The following CNTN1 variants were observed in gnomAD, a reference collection of about 807,000 sequenced individuals.
The protein encoded by CNTN1 is contactin-1.
Under a neutral mutation model 126.4 loss-of-function variants are expected in CNTN1, and 38 were observed. The observed-to-expected ratio is 0.30, with a 90% CI of 0.23 to 0.39. The LOEUF (loss-of-function observed/expected upper bound fraction) is 0.39. Among genes scored for constraint, CNTN1 ranks in the 10% least tolerant of loss-of-function variants. CNTN1 has a pLI of 1.00. For missense variants in CNTN1, 1,009 were observed against 1,248.4 expected (o/e 0.81, Z 2.89); for synonymous variants, 413 against 422.6 (o/e 0.98, Z 0.28).
chr12:40,702,858 A>C (rs1315379646), intron 1 of CNTN1, among the ~76,000 whole-genome samples: 1 of 152,222 alleles, frequency 6.6e-6, no homozygotes, highest in Non-Finnish European at 1.5e-5. Context: ...CCCTTTGCAT[A>C]AAACACAATT....
chr12:40,830,958 T>TAC (rs1221864380), intron 1 of CNTN1, among the ~76,000 whole-genome samples: 3,130 of 111,190 alleles, frequency 0.028, 115 homozygotes, highest in African/African-American at 0.08. Flanking sequence ...TATATATATA[T>TAC]ATATACACAC....
intron 1 of CNTN1, among the ~76,000 whole-genome samples, chr12:40,831,147 T>C (rs909618440): frequency 1.4e-5 from 2 of 146,814 alleles, no homozygotes; most frequent in African/African-American, 5.0e-5. Flanking sequence ...GTATATATAC[T>C]ATAAATATAT....
At chr12:40,912,924 A>C (rs968877509) in intron 3 of CNTN1, among the ~76,000 whole-genome samples, 13 of 152,184 alleles carry the variant, frequency 8.5e-5, no homozygotes, top group African/African-American at 3.1e-4. Context: ...CCACCAGCCC[A>C]GTCATGCTAT....
chr12:40,760,980 G>C (rs963418553), intron 1 of CNTN1, among the ~76,000 whole-genome samples: 1 of 151,998 alleles, frequency 6.6e-6, no homozygotes, highest in Admixed American at 6.6e-5. Context: ...AAATTACTCT[G>C]TCAAATAAAA....
intron 17 of CNTN1, among the ~76,000 whole-genome samples, chr12:41,010,779 C>T (rs1322663358): frequency 6.6e-6 from 1 of 151,900 alleles, no homozygotes; most frequent in Non-Finnish European, 1.5e-5. Flanking sequence ...TTTGCCCTTG[C>T]TCTTCATAGG....
chr12:40,839,225 CA>C (rs921546705), intron 1 of CNTN1, among the ~76,000 whole-genome samples: 2 of 151,330 alleles, frequency 1.3e-5, no homozygotes, highest in Admixed American at 1.3e-4. Context: ...TGCAGTCAGA[CA>C]AAAATATAGA....
At chr12:41,009,028 A>G (rs991292576) in intron 17 of CNTN1, among the ~76,000 whole-genome samples, 6 of 152,186 alleles carry the variant, frequency 3.9e-5, no homozygotes, top group Admixed American at 3.9e-4. Flanking sequence ...CAGAGTGACT[A>G]CTGCATATCC....
intron 17 of CNTN1, among the ~76,000 whole-genome samples, chr12:41,009,368 T>C (rs1948588974): frequency 6.6e-6 from 1 of 152,168 alleles, no homozygotes; most frequent in African/African-American, 2.4e-5. Context: ...TTTCCCAGGA[T>C]TAATTTGGAG....
chr12:40,717,068 A>G (rs1442583474), intron 1 of CNTN1, among the ~76,000 whole-genome samples: 2 of 100,242 alleles, frequency 2.0e-5, no homozygotes, highest in East Asian at 4.8e-4. Flanking sequence ...ACAGCTAGCC[A>G]AAAGTGTTAT....
At chr12:40,823,674 T>C (rs1941519956) in intron 1 of CNTN1, among the ~76,000 whole-genome samples, 1 of 152,162 alleles carries the variant, frequency 6.6e-6, no homozygotes, top group African/African-American at 2.4e-5. Context: ...TTATTTTCCA[T>C]CTTCTTTTCA....
chr12:40,802,680 T>C (rs1421991416), intron 1 of CNTN1, among the ~76,000 whole-genome samples: 7 of 151,970 alleles, frequency 4.6e-5, no homozygotes, highest in Non-Finnish European at 8.8e-5. Context: ...TTATGCTTGT[T>C]TGATGAGAAG....
At chr12:40,904,268 T>C (rs1403875359) in intron 1 of CNTN1, among the ~76,000 whole-genome samples, 1 of 152,088 alleles carries the variant, frequency 6.6e-6, no homozygotes, top group Non-Finnish European at 1.5e-5. Context: ...TCCGTCCACC[T>C]TGGCCTCCCA....
At chr12:40,940,474 T>C (rs772262133) in intron 12 of CNTN1, among the ~76,000 whole-genome samples, 1 of 152,192 alleles carries the variant, frequency 6.6e-6, no homozygotes, top group Non-Finnish European at 1.5e-5. Context: ...AGACTGTTAT[T>C]ACTCAGATGT....
At chr12:41,056,448 T>A (rs1461875553) in intron 23 of CNTN1, among the ~76,000 whole-genome samples, 1 of 152,116 alleles carries the variant, frequency 6.6e-6, no homozygotes, top group Non-Finnish European at 1.5e-5. Flanking sequence ...ATATGGCAAT[T>A]TTTAGCAAGA....
At chr12:40,737,817 A>T (rs1369394877) in intron 1 of CNTN1, among the ~76,000 whole-genome samples, 1 of 152,054 alleles carries the variant, frequency 6.6e-6, no homozygotes, top group Non-Finnish European at 1.5e-5. Flanking sequence ...AATTAAAAAG[A>T]TATATAGACA....
At chr12:40,826,722 C>T (rs1941625056) in intron 1 of CNTN1, among the ~76,000 whole-genome samples, 1 of 152,176 alleles carries the variant, frequency 6.6e-6, no homozygotes, top group Non-Finnish European at 1.5e-5. Context: ...CAAGGGTGAA[C>T]ACCTCCCTAC....
intron 1 of CNTN1, among the ~76,000 whole-genome samples, chr12:40,859,597 T>C (rs1943050102): frequency 6.6e-6 from 1 of 152,172 alleles, no homozygotes; most frequent in South Asian, 2.1e-4. Flanking sequence ...TTTTCACTTT[T>C]GTGTAACCTA....
At chr12:41,045,221 A>C (rs983419014) in intron 23 of CNTN1, among the ~76,000 whole-genome samples, 1 of 152,148 alleles carries the variant, frequency 6.6e-6, no homozygotes, top group Admixed American at 6.6e-5. Context: ...AAATAAGAGC[A>C]ACACAAAAGT....
intron 1 of CNTN1, among the ~76,000 whole-genome samples, chr12:40,741,030 C>T (rs939147822): frequency 6.6e-6 from 1 of 152,024 alleles, no homozygotes; most frequent in Non-Finnish European, 1.5e-5. Flanking sequence ...GGCCATTTCT[C>T]ACTGCCTGGA....
Sources: gnomAD v4.1 joint callset for allele counts (sites outside exome capture counted in the v4.1 genomes callset) on GRCh38, gnomAD v4.1.1 for gene constraint, MANE v1.5 for transcripts, NCBI Gene and HGNC (gene_info 2026-07-23, HGNC 2026-07-21) for gene names.